EFCAB6: variants seen among roughly 807,000 people sequenced by gnomAD.
The protein encoded by EFCAB6 is EF-hand calcium-binding domain-containing protein 6.
A neutral mutation model predicts 169.8 loss-of-function variants in EFCAB6; 156 were observed. The ratio of observed to expected loss-of-function variants is 0.92; its 90% CI spans 0.81 to 1.05. The LOEUF is 1.05. EFCAB6 is among the 50% of genes least tolerant of loss of function. EFCAB6 has a pLI of 0.00. For missense variants in EFCAB6, 1,800 were observed against 1,829.1 expected (o/e 0.98, Z 0.29); for synonymous variants, 698 against 676.4 (o/e 1.03, Z -0.50).
intron 6 of EFCAB6, 138 bp downstream of exon 6, chr22:43,755,628 A>G: frequency 1.3e-6 from 1 of 757,442 alleles, no homozygotes; most frequent in South Asian, 2.2e-5. Flanking sequence ...TTATCAGAAG[A>G]TCTATTTAGT....
rs2052400121 is a variant in EFCAB6 at position 43,600,267 on chromosome 22, A to C, written c.2682-4T>G. ...CCCTTTTCCCTCGGTGTCGTATCTT[A>C]AAACAAAAACAAAAACAGAAAGCAC... On this transcript the variant is annotated splice_polypyrimidine_tract_variant and splice_region_variant and intron_variant, in intron 22 of 31. Transcript: ENST00000262726. 3 of 1,612,936 alleles carry C rather than the reference A, an allele frequency of 1.9e-6. No homozygotes were observed. In the East Asian group the frequency reaches 6.7e-5, roughly 36 times the overall value.
chr22:43,583,868 T>A (rs1290097460), intron 24 of EFCAB6, among the ~76,000 whole-genome samples: 1 of 152,014 alleles, frequency 6.6e-6, no homozygotes, highest in African/African-American at 2.4e-5. Flanking sequence ...TTACATTTTT[T>A]TATGGCAGCC....
At chr22:43,577,795 C>T (rs1475977233) in intron 25 of EFCAB6, among the ~76,000 whole-genome samples, 2 of 151,966 alleles carry the variant, frequency 1.3e-5, no homozygotes, top group Non-Finnish European at 2.9e-5. Flanking sequence ...TCACTCCTTC[C>T]CTCCCCACAT....
At position 43,648,253 on chromosome 22, in the gene EFCAB6, G is replaced by A. The variant is rs148175456; in HGVS notation, c.1984-13037C>T. Among the ~76,000 whole-genome samples, 637 of 152,284 alleles carry A rather than the reference G, an allele frequency of 4.2e-3. 3 individuals carry two copies. The highest frequency in any genetic ancestry group is 0.014 in the Middle Eastern group (4 of 294). The stretch of plus-strand genomic sequence containing the variant: ...GGGTGTGCCCACACACAGGCACACA[G>A]TTATTAAGAAGCAGAGCTGAGCTAT... On this transcript the variant is annotated intron_variant, in intron 17 of 31. Transcript: ENST00000262726.
intron 27 of EFCAB6, chr22:43,554,597 A>C: frequency 4.5e-6 from 2 of 447,746 alleles, no homozygotes; most frequent in Non-Finnish European, 4.1e-6. Flanking sequence ...GCTCCAGGGA[A>C]GGGAGAAGGA....
In EFCAB6 at chr22:43,534,816, T is replaced by C; in HGVS notation, c.4105A>G (p.Ile1369Val). The change falls in exon 30 of 32, where the codon ATA becomes GTA. Residue 1369 changes from isoleucine to valine, a missense_variant. Physicochemically the swap from Ile to Val is conservative, Grantham distance 29 (BLOSUM62 3). Transcript: ENST00000262726. Reference sequence around the variant, plus strand: ...CCGTTGCTCTTTAAGTCGTATTTTATAATGAGCTGCTGACACTCCTCTTTG... The same window carrying C: ...CCGTTGCTCTTTAAGTCGTATTTTACAATGAGCTGCTGACACTCCTCTTTG... ...ISKEECQQLI[I>V]KYDLKSNGKF... 6.2e-7 allele frequency: 1 copy of C among 1,614,088 alleles called. No individual in the cohort carries two copies.
chr22:43,782,071 A>G, intron 3 of EFCAB6, 109 bp downstream of exon 3: 2 of 1,114,712 alleles, frequency 1.8e-6, no homozygotes, highest in Non-Finnish European at 2.5e-6. Context: ...TCATAGAGTT[A>G]TTGTGAGGAT....
At chr22:43,637,228 G>A (rs1448420645) in intron 17 of EFCAB6, among the ~76,000 whole-genome samples, 3 of 152,208 alleles carry the variant, frequency 2.0e-5, no homozygotes, top group African/African-American at 7.2e-5. Flanking sequence ...GATAGGGTGA[G>A]GGGCTTTCTG....
chr22:43,626,323 A>G lies in EFCAB6; in HGVS notation c.2465+124T>C. 4 of 1,012,982 alleles carry G rather than the reference A, an allele frequency of 3.9e-6. No individual in the cohort carries two copies. The East Asian group carries it at 1.0e-4, about 26-fold the overall frequency. 62.7% of individuals were successfully genotyped at this position (1,012,982 alleles called of 1,614,324 possible). A position where few individuals can be genotyped will look rare whatever the true frequency, so the allele number is the denominator to read the frequency against. ...TTTCTTGTATGACTTTTTCTGAACC[A>G]AGAAAAAGAAAAAAATAATCACTCC... On this transcript the variant is annotated intron_variant, in intron 20 of 31. Coordinates refer to ENST00000262726, the MANE Select transcript of EFCAB6 (RefSeq NM_022785.4).
rs981625049 is a variant in EFCAB6, at chr22:43,789,561, C to T, written c.-7-7236G>A. Among the ~76,000 whole-genome samples the T allele has an allele frequency of 2.6e-5, 4 of 152,172 alleles. 1 individual carries two copies. The highest frequency in any genetic ancestry group is 9.7e-5 in the African/African-American group (4 of 41,442). ...TCCTGCTTACCATCAGCCAGGCTCACGCCCCCACTGTCAGAGCTAACTTGG... is the reference window on the plus strand; with the variant it reads ...TCCTGCTTACCATCAGCCAGGCTCATGCCCCCACTGTCAGAGCTAACTTGG... On this transcript the variant is annotated intron_variant, in intron 2 of 31. Coordinates refer to ENST00000262726, the MANE Select transcript of EFCAB6 (RefSeq NM_022785.4).
At chr22:43,598,324 A>AAACAAC (rs1455499624) in intron 23 of EFCAB6, among the ~76,000 whole-genome samples, 1 of 149,248 alleles carries the variant, frequency 6.7e-6, no homozygotes, top group East Asian at 2.0e-4. Flanking sequence ...AAAAAAAAAA[A>AAACAAC]AAAAAAAAAA....
intron 8 of EFCAB6, among the ~76,000 whole-genome samples, chr22:43,730,923 G>A (rs998560052): frequency 6.6e-6 from 1 of 152,194 alleles, no homozygotes; most frequent in Admixed American, 6.5e-5. Context: ...GAGAATCATA[G>A]AACATGGTCC....
At chr22:43,716,327 A>G (rs1302762361) in intron 9 of EFCAB6, among the ~76,000 whole-genome samples, 1 of 152,190 alleles carries the variant, frequency 6.6e-6, no homozygotes, top group East Asian at 1.9e-4. Context: ...ACATATAAAG[A>G]GTGGTTCATT....
intron 27 of EFCAB6, among the ~76,000 whole-genome samples, chr22:43,545,617 G>A (rs1321753465): frequency 6.6e-6 from 1 of 152,192 alleles, no homozygotes; most frequent in Admixed American, 6.5e-5. Flanking sequence ...GCACAGGCCT[G>A]GAGATCCTGG....
intron 8 of EFCAB6, among the ~76,000 whole-genome samples, chr22:43,725,158 T>TA (rs2059680605): frequency 8.9e-6 from 1 of 112,140 alleles, no homozygotes. Context: ...TTTTTTTTTT[T>TA]AGACGGAGTT....
At chr22:43,561,592 A>G (rs985904878) in intron 26 of EFCAB6, among the ~76,000 whole-genome samples, 1 of 152,056 alleles carries the variant, frequency 6.6e-6, no homozygotes, top group African/African-American at 2.4e-5. Context: ...TGGGTTTTCC[A>G]TCAAGGGCAT....
At chr22:43,542,751 C>A (rs1250367682) in intron 27 of EFCAB6, among the ~76,000 whole-genome samples, 1 of 152,088 alleles carries the variant, frequency 6.6e-6, no homozygotes, top group Non-Finnish European at 1.5e-5. Flanking sequence ...ACCTAGAACA[C>A]CAATGGGCCT....
chr22:43,598,322 A>AAAAAAAAC (rs1569223095), intron 23 of EFCAB6, among the ~76,000 whole-genome samples: 1 of 130,238 alleles, frequency 7.7e-6, no homozygotes, highest in Non-Finnish European at 1.7e-5. Context: ...AAAAAAAAAA[A>AAAAAAAAC]AAAAAAAAAA....
chr22:43,686,546 C>T (rs1046659388), intron 11 of EFCAB6, among the ~76,000 whole-genome samples: 1 of 152,104 alleles, frequency 6.6e-6, no homozygotes, highest in African/African-American at 2.4e-5. Flanking sequence ...AGACAACGTG[C>T]TATTGGACAA....
Sources: gnomAD v4.1 joint callset for allele counts (sites outside exome capture counted in the v4.1 genomes callset) on GRCh38, gnomAD v4.1.1 for gene constraint, MANE v1.5 for transcripts, NCBI Gene and HGNC (gene_info 2026-07-23, HGNC 2026-07-21) for gene names.